The following VPS13B variants were observed in gnomAD, a reference collection of about 807,000 sequenced individuals.
VPS13B encodes vacuolar protein sorting 13 homolog B, also known as intermembrane lipid transfer protein VPS13B.
Under a neutral mutation model 426.4 loss-of-function variants are expected in VPS13B, and 285 were observed. The ratio of observed to expected loss-of-function variants is 0.67; its 90% CI spans 0.61 to 0.74. The LOEUF is 0.74. Ranked by LOEUF, VPS13B falls within the 30% of genes least tolerant of loss-of-function variation. VPS13B has a pLI of 0.00. For synonymous variants in VPS13B, 1,676 were observed against 1,676.4 expected, an observed-to-expected ratio of 1.00 and a Z score of 0.01; for missense variants, 4,537 against 4,782.6, an observed-to-expected ratio of 0.95 and a Z score of 1.51.
intron 36 of VPS13B, among the ~76,000 whole-genome samples, chr8:99,702,432 G>A (rs1403869948): frequency 6.6e-6 from 1 of 152,088 alleles, no homozygotes; most frequent in African/African-American, 2.4e-5. Flanking sequence ...CATCTCAGAT[G>A]TACTATTAAA....
chr8:99,326,692 C>A (rs1423103589), intron 19 of VPS13B, among the ~76,000 whole-genome samples: 9 of 151,792 alleles, frequency 5.9e-5, no homozygotes, highest in Admixed American at 5.3e-4. Context: ...AACCACCATG[C>A]CCAGCCATCC....
chr8:99,582,982 A>C (rs968681839), intron 33 of VPS13B, among the ~76,000 whole-genome samples: 3 of 152,104 alleles, frequency 2.0e-5, no homozygotes, highest in African/African-American at 7.2e-5. Context: ...CTATTTACTC[A>C]GTTTTTTAAA....
chr8:99,400,171 C>T (rs187359842), intron 21 of VPS13B, among the ~76,000 whole-genome samples: 26 of 152,184 alleles, frequency 1.7e-4, no homozygotes, highest in Non-Finnish European at 2.9e-5. Context: ...TACTTCTGTA[C>T]CCTATTGGAG....
chr8:99,842,778 CT>C (rs929904363), intron 54 of VPS13B, among the ~76,000 whole-genome samples: 12 of 152,260 alleles, frequency 7.9e-5, no homozygotes, highest in Non-Finnish European at 1.3e-4. Flanking sequence ...TAAAATGCTT[CT>C]TGTTAGTAAT....
At chr8:99,342,203 CAATT>C (rs1811287885) in intron 19 of VPS13B, among the ~76,000 whole-genome samples, 1 of 152,168 alleles carries the variant, frequency 6.6e-6, no homozygotes, top group Non-Finnish European at 1.5e-5. Flanking sequence ...TAAATCAAGA[CAATT>C]AACATATCTG....
Position 99,199,782 on chromosome 8 carries a change from A to G in VPS13B, c.2515+6725A>G, listed in dbSNP as rs376909379. Among the ~76,000 whole-genome samples the G allele has an allele frequency of 3.9e-5, 6 of 152,070 alleles. 1 individual carries two copies. In the East Asian group the frequency reaches 9.6e-4, roughly 24 times the overall value. On this transcript the variant is annotated intron_variant, in intron 17 of 61. Transcript: ENST00000357162. ...TCAGAAAAATTACGTTCTCTTACACATTCCTACCTTTTTTTCAGGTATTCT... is the reference window on the plus strand; with the variant it reads ...TCAGAAAAATTACGTTCTCTTACACGTTCCTACCTTTTTTTCAGGTATTCT...
At chr8:99,322,393 G>A (rs545830325) in intron 19 of VPS13B, among the ~76,000 whole-genome samples, 22 of 151,922 alleles carry the variant, frequency 1.4e-4, no homozygotes, top group Non-Finnish European at 2.2e-4. Flanking sequence ...TAGAGATTCC[G>A]TTTGTTTTCA....
At chr8:99,294,624 A>G (rs1348172139) in intron 19 of VPS13B, among the ~76,000 whole-genome samples, 2 of 152,196 alleles carry the variant, frequency 1.3e-5, no homozygotes, top group African/African-American at 2.4e-5. Flanking sequence ...TCCCTGTTAT[A>G]TGAAGGAAGA....
At chr8:99,343,217 C>T (rs1216454909) in intron 19 of VPS13B, among the ~76,000 whole-genome samples, 1 of 152,036 alleles carries the variant, frequency 6.6e-6, no homozygotes, top group East Asian at 1.9e-4. Flanking sequence ...CCTCAGCCTC[C>T]TGAGTAGCTG....
intron 3 of VPS13B, among the ~76,000 whole-genome samples, chr8:99,038,887 A>G (rs1276109382): frequency 1.3e-5 from 2 of 151,812 alleles, no homozygotes; most frequent in African/African-American, 4.8e-5. Context: ...GGGTTTCACT[A>G]TGTTGGCCAG....
chr8:99,188,254 C>T (rs563951994), intron 16 of VPS13B, among the ~76,000 whole-genome samples: 3 of 152,020 alleles, frequency 2.0e-5, no homozygotes, highest in Admixed American at 6.5e-5. Flanking sequence ...CTATCTAATT[C>T]CAGAACATTT....
intron 39 of VPS13B, among the ~76,000 whole-genome samples, chr8:99,750,723 T>C (rs553471580): frequency 6.6e-6 from 1 of 152,124 alleles, no homozygotes; most frequent in Non-Finnish European, 1.5e-5. Flanking sequence ...TGCACAGATA[T>C]GCACAGATAA....
At chr8:99,317,829 C>T (rs199639410) in intron 19 of VPS13B, among the ~76,000 whole-genome samples, 1 of 152,082 alleles carries the variant, frequency 6.6e-6, no homozygotes, top group African/African-American at 2.4e-5. Context: ...TATGTAACAC[C>T]ATGTGAATTA....
chr8:99,616,685 C>T (rs778839541), intron 33 of VPS13B, among the ~76,000 whole-genome samples: 2 of 152,110 alleles, frequency 1.3e-5, no homozygotes, highest in African/African-American at 2.4e-5. Context: ...ATTAGCTGGA[C>T]GTGGTGGCGG....
chr8:99,799,487 G>A (rs1249417399), intron 43 of VPS13B, among the ~76,000 whole-genome samples: 2 of 152,076 alleles, frequency 1.3e-5, no homozygotes, highest in African/African-American at 4.8e-5. Flanking sequence ...AAGAAGCAGC[G>A]GTTGCCATGA....
chr8:99,523,446 C>T (rs1005140670), intron 30 of VPS13B, among the ~76,000 whole-genome samples: 3 of 152,216 alleles, frequency 2.0e-5, no homozygotes, highest in African/African-American at 4.8e-5. Context: ...TCTGACCCAG[C>T]GCAGTCCCAA....
intron 25 of VPS13B, among the ~76,000 whole-genome samples, chr8:99,500,372 T>A (rs925561270): frequency 6.6e-6 from 1 of 152,128 alleles, no homozygotes; most frequent in African/African-American, 2.4e-5. Flanking sequence ...AGTGAAAAAT[T>A]TCTTAAGCAT....
chr8:99,560,602 T>C (rs1432737326), intron 31 of VPS13B, among the ~76,000 whole-genome samples: 1 of 152,182 alleles, frequency 6.6e-6, no homozygotes, highest in Admixed American at 6.5e-5. Flanking sequence ...GGGTGTAAAT[T>C]TGGATGAAGA....
At chr8:99,236,551 G>C (rs774777385) in intron 17 of VPS13B, among the ~76,000 whole-genome samples, 2 of 152,194 alleles carry the variant, frequency 1.3e-5, no homozygotes, top group African/African-American at 2.4e-5. Context: ...TGCCTGACCT[G>C]TTGATTTTAA....
Sources: gnomAD v4.1 joint callset for allele counts (sites outside exome capture counted in the v4.1 genomes callset) on GRCh38, gnomAD v4.1.1 for gene constraint, MANE v1.5 for transcripts, NCBI Gene and HGNC (gene_info 2026-07-23, HGNC 2026-07-21) for gene names.